The following PRKCB variants were observed in gnomAD, a reference collection of about 807,000 sequenced individuals.
PRKCB encodes protein kinase C beta, also known as protein kinase C beta type.
Under a neutral mutation model 81.5 loss-of-function variants are expected in PRKCB, and 13 were observed. The observed-to-expected ratio is 0.16, with a 90% CI of 0.10 to 0.25. The LOEUF (loss-of-function observed/expected upper bound fraction) is 0.25, where lower values mean the gene tolerates loss of function less well. PRKCB is among the 10% of genes least tolerant of loss of function. The pLI, the probability that PRKCB is intolerant of heterozygous loss-of-function variation, is 1.00. For synonymous variants in PRKCB, 335 were observed against 321.4 expected, an observed-to-expected ratio of 1.04 and a Z score of -0.45; for missense variants, 509 against 875.7, an observed-to-expected ratio of 0.58 and a Z score of 5.29.
intron 5 of PRKCB, among the ~76,000 whole-genome samples, chr16:24,077,727 T>C (rs533039533): frequency 3.3e-5 from 5 of 152,214 alleles, no homozygotes; most frequent in Non-Finnish European, 7.3e-5. Context: ...TGTTTTCTTC[T>C]CCCTTCATCC....
intron 2 of PRKCB, among the ~76,000 whole-genome samples, chr16:23,915,983 C>T (rs1963731412): frequency 6.6e-6 from 1 of 152,036 alleles, no homozygotes; most frequent in Non-Finnish European, 1.5e-5. Flanking sequence ...TTTTACCCTA[C>T]CTCACAATTA....
intron 3 of PRKCB, among the ~76,000 whole-genome samples, chr16:23,998,124 C>G (rs1964984027): frequency 2.6e-5 from 4 of 152,170 alleles, no homozygotes; most frequent in Non-Finnish European, 5.9e-5. Flanking sequence ...AATTCACTCT[C>G]TCTTTTTGAG....
chr16:24,219,416 G>A lies in PRKCB; in HGVS notation c.*4600G>A. ...CTGTGGGTGGATTTTCGAGCTGACG[G>A]TGGTCAATTCCTTTCATTAAGCAGT... is the stretch of plus-strand genomic sequence containing the variant. On this transcript the variant is annotated 3_prime_UTR_variant, in exon 17 of 17. Transcript: ENST00000643927. 1.0e-6 allele frequency: 1 copy of A among 985,690 alleles called. No homozygotes were observed. Among genetic ancestry groups the A allele is most frequent in the Non-Finnish European group, 1.2e-6 (1 of 830,274 alleles). 61.1% of individuals were successfully genotyped at this position (985,690 alleles called of 1,614,324 possible). A position where few individuals can be genotyped will look rare whatever the true frequency, so the allele number is the denominator to read the frequency against.
intron 16 of PRKCB, among the ~76,000 whole-genome samples, chr16:24,193,468 T>TAAGAA (rs1555501779): frequency 2.9e-5 from 3 of 103,554 alleles, no homozygotes; most frequent in African/African-American, 1.2e-4. Context: ...AATAAATAAA[T>TAAGAA]AAATAAATAA....
At chr16:24,157,773 G>A (rs1278345163) in intron 10 of PRKCB, among the ~76,000 whole-genome samples, 2 of 151,022 alleles carry the variant, frequency 1.3e-5, no homozygotes, top group African/African-American at 2.4e-5. Flanking sequence ...ACCCCATTTC[G>A]CTCTGCACTT....
chr16:24,061,910 TAA>T lies in PRKCB; in HGVS notation c.529+26385_529+26386del, dbSNP rs1210402981. 9.9e-3 allele frequency among the ~76,000 whole-genome samples: 931 copies of T among 93,742 alleles called. 13 individuals are homozygous for T. Among genetic ancestry groups the T allele is most frequent in the African/African-American group, 0.032 (864 of 26,808 alleles). The allele number at this position is 93,742 out of a possible 152,430, so 61.5% of individuals were successfully genotyped here. On this transcript the variant is annotated intron_variant, in intron 5 of 16. Transcript: ENST00000643927. ...CCACTCCCCCTGCACCTTAAATAAA[TAA>T]AAAAAAAAAAAAAAAAAAAAACTTG...
At chr16:23,898,932 G>A (rs992285464) in intron 2 of PRKCB, among the ~76,000 whole-genome samples, 6 of 152,142 alleles carry the variant, frequency 3.9e-5, no homozygotes, top group East Asian at 1.9e-4. Context: ...CTTCTGAGGC[G>A]CCAATGAAGT....
At chr16:24,096,284 A>C (rs1966437300) in intron 7 of PRKCB, among the ~76,000 whole-genome samples, 1 of 152,176 alleles carries the variant, frequency 6.6e-6, no homozygotes, top group Non-Finnish European at 1.5e-5. Context: ...ATAAAATAAA[A>C]TAAACACTAA....
At chr16:24,187,311 C>T (rs998003572) in intron 15 of PRKCB, among the ~76,000 whole-genome samples, 6 of 152,180 alleles carry the variant, frequency 3.9e-5, no homozygotes, top group African/African-American at 1.4e-4. Context: ...CCAATTCTCT[C>T]CAAGTTCAAA....
chr16:23,875,480 G>GATATATATATATATATAT (rs71381624), intron 2 of PRKCB, among the ~76,000 whole-genome samples: 185 of 4,578 alleles, frequency 0.04, 6 homozygotes, highest in African/African-American at 0.073. Context: ...CAACTAAAAA[G>GATATATATATATATATAT]ATATATATAT....
chr16:24,120,622 T>A (rs185823215), intron 8 of PRKCB, among the ~76,000 whole-genome samples: 5 of 152,210 alleles, frequency 3.3e-5, no homozygotes, highest in Admixed American at 2.0e-4. Context: ...TGGGGAGCTG[T>A]CCTTCATCTC....
chr16:24,108,157 T>C (rs932681865), intron 7 of PRKCB, among the ~76,000 whole-genome samples: 1 of 145,230 alleles, frequency 6.9e-6, no homozygotes, highest in Non-Finnish European at 1.5e-5. Context: ...TTTCCATTTG[T>C]TTATTTTTTT....
At chr16:23,872,275 T>C (rs533304823) in intron 2 of PRKCB, among the ~76,000 whole-genome samples, 3 of 152,346 alleles carry the variant, frequency 2.0e-5, no homozygotes, top group Non-Finnish European at 1.5e-5. Context: ...GGAAATTCAC[T>C]TAGGCCAACT....
At position 24,052,448 on chromosome 16, in the gene PRKCB, A is replaced by T. The variant is rs143842440; in HGVS notation, c.529+16901A>T. Among the ~76,000 whole-genome samples the T allele has an allele frequency of 3.1e-3, 478 of 152,330 alleles. 2 individuals carry two copies. The highest frequency in any genetic ancestry group is 0.011 in the African/African-American group (453 of 41,592). ...AGCAAGCTTACTAAGAAAGTAAAGG[A>T]ATAAAGCATGGCTACTCCACAGGCA... On this transcript the variant is annotated intron_variant, in intron 5 of 16. Coordinates refer to ENST00000643927, the MANE Select transcript of PRKCB (RefSeq NM_002738.7).
chr16:23,933,632 C>T (rs1453331399), intron 2 of PRKCB, among the ~76,000 whole-genome samples: 1 of 142,854 alleles, frequency 7.0e-6, no homozygotes, highest in Non-Finnish European at 1.6e-5. Flanking sequence ...GAACTGATAT[C>T]CATCCATCCA....
chr16:24,046,889 T>C (rs923252705), intron 5 of PRKCB, among the ~76,000 whole-genome samples: 1 of 152,180 alleles, frequency 6.6e-6, no homozygotes, highest in Non-Finnish European at 1.5e-5. Context: ...TTTTCTCATT[T>C]TACAAAGGAG....
chr16:24,154,440 G>A (rs74893324), intron 9 of PRKCB, among the ~76,000 whole-genome samples: 265 of 152,304 alleles, frequency 1.7e-3, no homozygotes, highest in Non-Finnish European at 2.0e-3. Flanking sequence ...CTATGATCAT[G>A]TTACTACCCT....
chr16:24,172,157 C>A, intron 10 of PRKCB, 113 bp from the exon 11 acceptor site: 1 of 745,452 alleles, frequency 1.3e-6, no homozygotes, highest in Non-Finnish European at 2.3e-6. Flanking sequence ...AAACAGGGAT[C>A]TGTCAGAGAG....
At chr16:24,028,381 T>A (rs1453340140) in intron 3 of PRKCB, among the ~76,000 whole-genome samples, 1 of 152,152 alleles carries the variant, frequency 6.6e-6, no homozygotes, top group Admixed American at 6.5e-5. Flanking sequence ...GAGCCACTGC[T>A]CCAGGCCACA....
Sources: allele counts gnomAD v4.1 joint callset (sites outside exome capture counted in the v4.1 genomes callset), GRCh38; gene constraint gnomAD v4.1.1; transcripts MANE v1.5; gene names NCBI Gene and HGNC (gene_info 2026-07-23, HGNC 2026-07-21).